The following RRN3 variants were observed in gnomAD, a reference collection of about 807,000 sequenced individuals.
RRN3 encodes RNA polymerase I-specific transcription initiation factor RRN3.
A neutral mutation model predicts 82.3 loss-of-function variants in RRN3; 38 were observed. The ratio of observed to expected loss-of-function variants is 0.46; its 90% CI spans 0.36 to 0.61. The LOEUF is 0.61. Ranked by LOEUF, RRN3 falls within the 20% of genes least tolerant of loss-of-function variation. The pLI, the probability that RRN3 is intolerant of heterozygous loss-of-function variation, is 0.00. For missense variants in RRN3, 726 were observed against 793.1 expected (o/e 0.92, Z 1.02); for synonymous variants, 284 against 284.3 (o/e 1.00, Z 0.01).
At chr16:15,083,392 C>T (rs981756325) in intron 8 of RRN3, 121 bp downstream of exon 8, 20 of 1,441,322 alleles carry the variant, frequency 1.4e-5, no homozygotes, top group African/African-American at 8.7e-5. Context: ...GAGTGAGACT[C>T]GGTCTCAAAA....
chr16:15,062,840 G>A (rs1477333327), intron 17 of RRN3, among the ~76,000 whole-genome samples: 1 of 152,172 alleles, frequency 6.6e-6, no homozygotes, highest in Non-Finnish European at 1.5e-5. Context: ...TTTTATAAAG[G>A]CAGAATGAGT....
At chr16:15,062,536 G>C (rs2044755854) in intron 17 of RRN3, among the ~76,000 whole-genome samples, 1 of 152,200 alleles carries the variant, frequency 6.6e-6, no homozygotes, top group African/African-American at 2.4e-5. Flanking sequence ...CTCTCTAACT[G>C]TAACTGTCTC....
Position 15,085,630 on chromosome 16 carries a change from T to C in RRN3, c.532+9A>G. ...ACTGTGCCCAGGCTTTAAACCTTTT[T>C]ATACTTACTATCATCTTCATCATCA... On this transcript the variant is annotated intron_variant, in intron 6 of 17. Transcript: ENST00000198767. 2 of 1,612,236 alleles carry C rather than the reference T, an allele frequency of 1.2e-6. No homozygotes were observed. Among genetic ancestry groups the C allele is most frequent in the Non-Finnish European group, 1.7e-6 (2 of 1,178,906 alleles).
At chr16:15,093,816 G>T (rs866415798) in intron 1 of RRN3, 2 of 404,288 alleles carry the variant, frequency 4.9e-6, no homozygotes, top group East Asian at 1.1e-4. Context: ...ACATAGCCCA[G>T]GGAAATCCCT....
intron 5 of RRN3, 42 bp from the exon 6 acceptor site, chr16:15,085,740 T>C (rs769690538): frequency 3.7e-6 from 6 of 1,609,666 alleles, no homozygotes; most frequent in Non-Finnish European, 5.1e-6. Context: ...GTCATTGATC[T>C]AGACAATGAA....
chr16:15,067,954 C>G (rs2045047963), intron 15 of RRN3, among the ~76,000 whole-genome samples: 1 of 151,850 alleles, frequency 6.6e-6, no homozygotes, highest in African/African-American at 2.4e-5. Context: ...GAGATAGGGT[C>G]TCACTATGTT....
intron 1 of RRN3, 61 bp downstream of exon 1, chr16:15,094,084 C>G: frequency 6.9e-7 from 1 of 1,453,540 alleles, no homozygotes; most frequent in African/African-American, 1.4e-5. Flanking sequence ...CAATCCGCTC[C>G]TCTAAGCGCC....
chr16:15,074,969 G>A (rs890761075), intron 10 of RRN3, 108 bp from the exon 11 acceptor site: 1 of 1,148,392 alleles, frequency 8.7e-7, no homozygotes, highest in Non-Finnish European at 1.2e-6. Context: ...AAACAAAGAG[G>A]CTGGGGAAAG....
Position 15,084,039 on chromosome 16 carries a change from G to A in RRN3, c.597-457C>T, listed in dbSNP as rs2045813292. On this transcript the variant is annotated intron_variant, in intron 7 of 17. Transcript: ENST00000198767. ...CCAGAACTGGAACTTACAATGTATA[G>A]CTTCTGAGAAAATCTATAACGACTT... Among the ~76,000 whole-genome samples, 4 of 152,320 alleles carry A rather than the reference G, an allele frequency of 2.6e-5. No individual in the cohort carries two copies. In the South Asian group the frequency reaches 8.3e-4, roughly 32 times the overall value.
At chr16:15,074,609 C>G (rs2045373697) in intron 11 of RRN3, 114 bp downstream of exon 11, 4 of 736,788 alleles carry the variant, frequency 5.4e-6, no homozygotes, top group South Asian at 2.3e-5. Flanking sequence ...AACTCATACT[C>G]AATAGATATT....
intron 12 of RRN3, among the ~76,000 whole-genome samples, chr16:15,071,485 G>A (rs1339151056): frequency 6.6e-6 from 1 of 152,118 alleles, no homozygotes; most frequent in African/African-American, 2.4e-5. Context: ...AATCAACCCG[G>A]GGCCAGGCAC....
Position 15,065,242 on chromosome 16 carries a change from G to T in RRN3, c.1683C>A (p.Pro561=), listed in dbSNP as rs773491232. The T allele has an allele frequency of 1.2e-6, 2 of 1,613,700 alleles. No individual in the cohort carries two copies. Among genetic ancestry groups the T allele is most frequent in the Non-Finnish European group, 1.7e-6 (2 of 1,179,722 alleles). ...ACCTCTTCAGCACACAGGGATCAAA[G>T]GGGAAGAAGGTGTCCAGCGGGTTTG... ...ICTNPLDTFF[P]FDPCVLKRSK... is the part of the protein sequence containing the mutation. Residue 561 remains proline, a synonymous_variant, in exon 16 of 18, where the codon CCC becomes CCA. Transcript: ENST00000198767.
chr16:15,074,266 A>G (rs1365880081), intron 11 of RRN3, among the ~76,000 whole-genome samples: 1 of 152,200 alleles, frequency 6.6e-6, no homozygotes, highest in Non-Finnish European at 1.5e-5. Context: ...ATGTGAATGG[A>G]AAAAAATTCT....
chr16:15,067,904 C>T (rs1199335137), intron 15 of RRN3, among the ~76,000 whole-genome samples: 1 of 151,838 alleles, frequency 6.6e-6, no homozygotes, highest in East Asian at 1.9e-4. Flanking sequence ...ACTACAGGCA[C>T]AGGCAACCAC....
At chr16:15,088,608 C>A (rs547259192) in intron 3 of RRN3, among the ~76,000 whole-genome samples, 3 of 151,976 alleles carry the variant, frequency 2.0e-5, no homozygotes, top group African/African-American at 7.2e-5. Flanking sequence ...GGAAAGAAGG[C>A]AGGGGTCAGG....
chr16:15,093,395 C>T (rs1443731419), intron 1 of RRN3, among the ~76,000 whole-genome samples: 1 of 152,206 alleles, frequency 6.6e-6, no homozygotes, highest in Non-Finnish European at 1.5e-5. Flanking sequence ...TTCTCCCTCC[C>T]CCATTACCTT....
chr16:15,074,939 A>T (rs2045388362), intron 10 of RRN3, 78 bp from the exon 11 acceptor site: 1 of 1,365,234 alleles, frequency 7.3e-7, no homozygotes, highest in African/African-American at 1.5e-5. Context: ...GTCATAAGTG[A>T]TTATTTCCCT....
At chr16:15,093,646 G>A (rs2046231223) in intron 1 of RRN3, among the ~76,000 whole-genome samples, 1 of 152,234 alleles carries the variant, frequency 6.6e-6, no homozygotes, top group African/African-American at 2.4e-5. Flanking sequence ...GCATCCTAAT[G>A]ACTCTGAAAG....
chr16:15,085,399 C>G (rs1461792482), intron 6 of RRN3, among the ~76,000 whole-genome samples: 3 of 152,152 alleles, frequency 2.0e-5, no homozygotes, highest in Non-Finnish European at 4.4e-5. Flanking sequence ...AATCCACCCA[C>G]TTAAGCCTCC....
Sources: gnomAD v4.1 joint callset for allele counts (sites outside exome capture counted in the v4.1 genomes callset) on GRCh38, gnomAD v4.1.1 for gene constraint, MANE v1.5 for transcripts, NCBI Gene and HGNC (gene_info 2026-07-23, HGNC 2026-07-21) for gene names.